The following CSMD3 variants were observed in gnomAD, a reference collection of about 807,000 sequenced individuals.
The protein encoded by CSMD3 is CUB and sushi domain-containing protein 3.
A neutral mutation model predicts 435.2 loss-of-function variants in CSMD3; 177 were observed. The ratio of observed to expected loss-of-function variants is 0.41; its 90% confidence interval spans 0.36 to 0.46. CSMD3 has a LOEUF of 0.46. Among genes scored for constraint, CSMD3 ranks in the 20% least tolerant of loss-of-function variants. The pLI is 0.34. For synonymous variants in CSMD3, 1,656 were observed against 1,520.5 expected (o/e 1.09, Z -2.07); for missense variants, 4,265 against 4,504.6 (o/e 0.95, Z 1.52).
chr8:113,167,566 A>T (rs2092177725), intron 4 of CSMD3, among the ~76,000 whole-genome samples: 1 of 152,188 alleles, frequency 6.6e-6, no homozygotes, highest in African/African-American at 2.4e-5. Flanking sequence ...TGTACTTTTC[A>T]AAACAAGATT....
intron 5 of CSMD3, among the ~76,000 whole-genome samples, chr8:113,084,359 G>T (rs550007927): frequency 1.3e-5 from 2 of 151,706 alleles, no homozygotes; most frequent in South Asian, 2.1e-4. Flanking sequence ...TGTAATAGGC[G>T]CAAAAAAATA....
At position 112,758,716 on chromosome 8, in the gene CSMD3, C is replaced by T. The variant is rs190963781; in HGVS notation, c.1972+41446G>A. On this transcript the variant is annotated intron_variant, in intron 13 of 70. Coordinates refer to ENST00000297405, the MANE Select transcript of CSMD3 (RefSeq NM_198123.2). Reference sequence around the variant, plus strand: ...TATTCAAGCCTCATTTCTTTATATGCTAAACAGAAAATAATAATTTCTACC... The same window carrying T: ...TATTCAAGCCTCATTTCTTTATATGTTAAACAGAAAATAATAATTTCTACC... Among the ~76,000 whole-genome samples the T allele has an allele frequency of 1.2e-3, 176 of 152,148 alleles. 2 individuals carry two copies. Among genetic ancestry groups the T allele is most frequent in the African/African-American group, 4.0e-3 (165 of 41,528 alleles).
intron 12 of CSMD3, among the ~76,000 whole-genome samples, chr8:112,815,073 C>T (rs557225457): frequency 2.7e-5 from 4 of 149,948 alleles, no homozygotes; most frequent in South Asian, 2.1e-4. Flanking sequence ...ACTAAAATGA[C>T]GATGATTAGA....
chr8:112,826,946 A>T (rs544828244), intron 12 of CSMD3, among the ~76,000 whole-genome samples: 2 of 151,862 alleles, frequency 1.3e-5, no homozygotes, highest in Admixed American at 1.3e-4. Context: ...AAGGATATCA[A>T]TTGGTACATC....
chr8:112,958,467 C>T (rs944799222), intron 7 of CSMD3, among the ~76,000 whole-genome samples: 1 of 152,114 alleles, frequency 6.6e-6, no homozygotes, highest in African/African-American at 2.4e-5. Flanking sequence ...AGCAAAAGCA[C>T]TTTGTTTTGT....
At chr8:112,258,363 AT>A (rs1816011684) in intron 61 of CSMD3, among the ~76,000 whole-genome samples, 1 of 152,204 alleles carries the variant, frequency 6.6e-6, no homozygotes. Context: ...ATGGGAGAAA[AT>A]TTTTGCAATC....
At chr8:112,392,864 CTTTTTTTT>C (rs56809581) in intron 35 of CSMD3, among the ~76,000 whole-genome samples, 16 of 122,176 alleles carry the variant, frequency 1.3e-4, no homozygotes, top group African/African-American at 2.5e-4. Context: ...TCTTTTTTTT[CTTTTTTTT>C]TTTTTTTTTT....
Position 112,656,347 on chromosome 8 carries a change from A to G in CSMD3, c.2817-6T>C. ...AATTCAGTTCAGTCTGAAATCTAAG[A>G]TTAAAAGACACATGTGAAAATATAT... On this transcript the variant is annotated splice_region_variant and splice_polypyrimidine_tract_variant and intron_variant, in intron 17 of 70. Transcript: ENST00000297405. 5 of 1,602,018 alleles carry G rather than the reference A, an allele frequency of 3.1e-6. No homozygotes were observed. Among genetic ancestry groups the G allele is most frequent in the Non-Finnish European group, 4.3e-6 (5 of 1,169,634 alleles).
rs183069503 is a variant in CSMD3 at position 112,539,787 on chromosome 8, C to A, written c.4564+10884G>T. ...TAAGACCTAAATGTAAGTCCTTAAT[C>A]TATGAAACTACCAGAAGAAAACATT... On this transcript the variant is annotated intron_variant, in intron 27 of 70. Coordinates refer to ENST00000297405, the MANE Select transcript of CSMD3 (RefSeq NM_198123.2). Among the ~76,000 whole-genome samples the A allele has an allele frequency of 2.0e-4, 30 of 152,166 alleles. No homozygotes were observed. In the South Asian group the frequency reaches 4.8e-3, roughly 24 times the overall value.
At chr8:112,325,454 G>C (rs1823411685) in intron 45 of CSMD3, among the ~76,000 whole-genome samples, 1 of 152,022 alleles carries the variant, frequency 6.6e-6, no homozygotes, top group Non-Finnish European at 1.5e-5. Context: ...TTCACAATCT[G>C]TAAGAATTAT....
chr8:112,727,493 A>G (rs1168746432), intron 13 of CSMD3, among the ~76,000 whole-genome samples: 1 of 151,860 alleles, frequency 6.6e-6, no homozygotes, highest in South Asian at 2.1e-4. Flanking sequence ...CCCAAGGACT[A>G]TTCTTGGAGG....
At chr8:113,376,942 G>A in intron 1 of CSMD3, 1 of 1,406,132 alleles carries the variant, frequency 7.1e-7, no homozygotes, top group East Asian at 3.8e-5. Flanking sequence ...TGACGTGCGG[G>A]TTCAGGAGGT....
chr8:112,319,947 A>C lies in CSMD3; in HGVS notation c.7200T>G (p.Pro2400=). The C allele has an allele frequency of 1.2e-6, 2 of 1,613,056 alleles. No homozygotes were observed. The highest frequency in any genetic ancestry group is 1.7e-6 in the Non-Finnish European group (2 of 1,179,238). Residue 2400 remains proline (P), a synonymous_variant, in exon 46 of 71, where the codon CCT becomes CCG. Transcript: ENST00000297405. The part of the protein sequence containing the change: ...YQLRVCQPPP[P]VPNAEILTED... ...CCGTCAAAATTTCAGCATTGGGCAC[A>C]GGTGGTGGAGGTTGGCACACCCTTA... is the stretch of plus-strand genomic sequence containing the variant.
chr8:113,139,461 G>C (rs1389848779), intron 4 of CSMD3, among the ~76,000 whole-genome samples: 1 of 150,780 alleles, frequency 6.6e-6, no homozygotes, highest in Non-Finnish European at 1.5e-5. Flanking sequence ...CTGCTAAAAT[G>C]ACGGCACCAT....
intron 3 of CSMD3, among the ~76,000 whole-genome samples, chr8:113,236,293 C>T (rs2093148304): frequency 6.6e-6 from 1 of 152,178 alleles, no homozygotes; most frequent in Non-Finnish European, 1.5e-5. Flanking sequence ...AAGGCACTAG[C>T]TGCTGTCTCT....
chr8:113,168,880 A>C (rs2092214705), intron 4 of CSMD3, among the ~76,000 whole-genome samples: 1 of 152,150 alleles, frequency 6.6e-6, no homozygotes, highest in Admixed American at 6.6e-5. Context: ...AAAATAAATG[A>C]CATTTTTGAT....
intron 5 of CSMD3, among the ~76,000 whole-genome samples, chr8:113,066,490 T>C (rs1006994590): frequency 2.0e-5 from 3 of 152,134 alleles, no homozygotes; most frequent in Non-Finnish European, 4.4e-5. Flanking sequence ...AATCAGTAAG[T>C]GAAAATTTTA....
At chr8:112,981,438 A>T (rs541690453) in intron 6 of CSMD3, among the ~76,000 whole-genome samples, 10 of 151,730 alleles carry the variant, frequency 6.6e-5, no homozygotes, top group Admixed American at 4.0e-4. Context: ...TGACATATTG[A>T]TATGTTTATT....
At chr8:113,117,775 A>C (rs1453484194) in intron 4 of CSMD3, among the ~76,000 whole-genome samples, 2 of 152,208 alleles carry the variant, frequency 1.3e-5, no homozygotes, top group Admixed American at 6.5e-5. Flanking sequence ...GAGACATGGG[A>C]TCAAAGGAGA....
Sources: gnomAD v4.1 joint callset for allele counts (sites outside exome capture counted in the v4.1 genomes callset) on GRCh38, gnomAD v4.1.1 for gene constraint, MANE v1.5 for transcripts, NCBI Gene and HGNC (gene_info 2026-07-23, HGNC 2026-07-21) for gene names.